CELF2: variants seen among roughly 807,000 people sequenced by gnomAD.
CELF2 encodes the protein CUGBP Elav-like family member 2.
A neutral mutation model predicts 62.6 loss-of-function variants in CELF2; 8 were observed. That is an observed-to-expected ratio of 0.13 (90% confidence interval 0.07 to 0.23). The LOEUF (loss-of-function observed/expected upper bound fraction) is 0.23, where lower values mean the gene tolerates loss of function less well. Among genes scored for constraint, CELF2 ranks in the 10% least tolerant of loss-of-function variants. The pLI, the probability that CELF2 is intolerant of heterozygous loss-of-function variation, is 1.00. For missense variants in CELF2, 333 were observed against 671.0 expected (o/e 0.50, Z 5.56); for synonymous variants, 258 against 250.0 (o/e 1.03, Z -0.30).
Position 11,314,088 on chromosome 10 carries a change from C to T in CELF2, c.977-51C>T, listed in dbSNP as rs765355093. ...GACAGAAGGATTTCCAGTCTCGGCTCTCACTCACCTCGTGTCTTCTCTCCC... is the reference window on the plus strand; with the variant it reads ...GACAGAAGGATTTCCAGTCTCGGCTTTCACTCACCTCGTGTCTTCTCTCCC... On this transcript the variant is annotated intron_variant, in intron 9 of 12. Coordinates refer to ENST00000633077, the MANE Select transcript of CELF2 (RefSeq NM_001326342.2). The surrounding 1 kb of genome is among the most constrained non-coding windows in gnomAD (Gnocchi z 5.3). The T allele has an allele frequency of 1.3e-6, 2 of 1,555,540 alleles. No homozygotes were observed. Among genetic ancestry groups the T allele is most frequent in the Non-Finnish European group, 1.8e-6 (2 of 1,138,406 alleles).
At chr10:11,000,395 T>A (rs1353196484), upstream of CELF2, among the ~76,000 whole-genome samples, 2 of 152,156 alleles carry the variant, frequency 1.3e-5, no homozygotes, top group African/African-American at 4.8e-5. Context: ...CTTCTTGGAG[T>A]TCCAAGTACT....
At chr10:10,474,906 T>C in the CELF2 span, among the ~76,000 whole-genome samples, 1 of 152,074 alleles carries the variant, frequency 6.6e-6, no homozygotes, top group East Asian at 1.9e-4. Flanking sequence ...CGGACAGACT[T>C]AGGGCATACT....
chr10:11,149,835 A>G (rs1319193865), intron 1 of CELF2, among the ~76,000 whole-genome samples: 1 of 152,150 alleles, frequency 6.6e-6, no homozygotes, highest in Non-Finnish European at 1.5e-5. Context: ...ATCATCTTGC[A>G]TCGACCCCGA....
rs571838939 is a variant in CELF2, at chr10:11,217,775, A to G, written c.354+268A>G. Among the ~76,000 whole-genome samples, 3 of 152,330 alleles carry G rather than the reference A, an allele frequency of 2.0e-5. No homozygotes were observed. Among genetic ancestry groups the G allele is most frequent in the East Asian group, 3.9e-4 (2 of 5,194 alleles). ...CCCCACTGGGCAGCCACGGCTGCCAAAGAGTATTGGGTGGGCTAAGATTTT... is the reference window on the plus strand; with the variant it reads ...CCCCACTGGGCAGCCACGGCTGCCAGAGAGTATTGGGTGGGCTAAGATTTT... On this transcript the variant is annotated intron_variant, in intron 3 of 12. Coordinates refer to ENST00000633077, the MANE Select transcript of CELF2 (RefSeq NM_001326342.2). This position sits in a 1 kb window ranked among gnomAD's most constrained non-coding sequence, Gnocchi z 5.6.
intron 2 of CELF2, among the ~76,000 whole-genome samples, chr10:11,206,575 C>T (rs1380593950): frequency 6.6e-6 from 1 of 152,202 alleles, no homozygotes; most frequent in Non-Finnish European, 1.5e-5. Context: ...TGCTGCTGAG[C>T]CACTGGTCTC....
intron 9 of CELF2, among the ~76,000 whole-genome samples, chr10:11,313,849 T>C (rs895426100): frequency 6.6e-6 from 1 of 151,842 alleles, no homozygotes; most frequent in East Asian, 1.9e-4. Context: ...AAAGAATGAT[T>C]GTCAACTTCA....
chr10:10,548,590 C>T, the CELF2 span, among the ~76,000 whole-genome samples: 2 of 152,190 alleles, frequency 1.3e-5, no homozygotes. Context: ...TAGAAAACAT[C>T]TTCCAAGGTA....
the CELF2 span, among the ~76,000 whole-genome samples, chr10:10,520,051 C>T: frequency 2.0e-5 from 3 of 152,154 alleles, no homozygotes; most frequent in South Asian, 4.1e-4. Context: ...TCTTCCTCTT[C>T]ATAATGGGAT....
intron 2 of CELF2, among the ~76,000 whole-genome samples, chr10:11,199,026 TG>T (rs2058618458): frequency 6.6e-6 from 1 of 152,172 alleles, no homozygotes; most frequent in African/African-American, 2.4e-5. Flanking sequence ...CAAGAGTAGT[TG>T]ACTTTCCAGG....
the CELF2 span, among the ~76,000 whole-genome samples, chr10:10,670,610 G>C: frequency 6.6e-6 from 1 of 152,076 alleles, no homozygotes; most frequent in African/African-American, 2.4e-5. Context: ...TTATCAACCA[G>C]AGTTTGTAGT....
At chr10:11,079,074 C>A (rs912348726) in intron 1 of CELF2, among the ~76,000 whole-genome samples, 3 of 152,208 alleles carry the variant, frequency 2.0e-5, no homozygotes, top group Non-Finnish European at 2.9e-5. Context: ...AAACTACTTA[C>A]TCCTCTGTTT....
At chr10:10,540,955 C>T in the CELF2 span, among the ~76,000 whole-genome samples, 4 of 151,996 alleles carry the variant, frequency 2.6e-5, no homozygotes, top group Admixed American at 6.6e-5. Flanking sequence ...GAGGCCGAGG[C>T]GTGTGGATCA....
At chr10:10,768,165 C>CAAA in the CELF2 span, among the ~76,000 whole-genome samples, 1 of 91,960 alleles carries the variant, frequency 1.1e-5, no homozygotes, top group Non-Finnish European at 2.4e-5. Context: ...GACTCCGTCT[C>CAAA]AAAAAAAAAA....
chr10:10,524,878 A>C, the CELF2 span, among the ~76,000 whole-genome samples: 1 of 152,158 alleles, frequency 6.6e-6, no homozygotes, highest in Non-Finnish European at 1.5e-5. Flanking sequence ...AAGCCAAGAA[A>C]ACTCTCACGG....
the CELF2 span, among the ~76,000 whole-genome samples, chr10:10,497,066 CT>C: frequency 6.6e-6 from 1 of 151,852 alleles, no homozygotes; most frequent in Non-Finnish European, 1.5e-5. Context: ...TGGCACATGC[CT>C]ATAATCCCAG....
chr10:10,681,178 C>T, the CELF2 span, among the ~76,000 whole-genome samples: 3 of 152,156 alleles, frequency 2.0e-5, no homozygotes, highest in East Asian at 1.9e-4. Flanking sequence ...CCAGCACAGA[C>T]AGCTAAGGAC....
intron 2 of CELF2, among the ~76,000 whole-genome samples, chr10:11,184,148 A>G (rs574647529): frequency 6.6e-6 from 1 of 152,188 alleles, no homozygotes. Context: ...TTGTTCCAGC[A>G]CTATTTGTCC....
chr10:11,017,545 C>T (rs1415392538), upstream of CELF2, among the ~76,000 whole-genome samples: 2 of 152,196 alleles, frequency 1.3e-5, no homozygotes, highest in African/African-American at 4.8e-5. This position sits in a 1 kb window ranked among gnomAD's most constrained non-coding sequence, Gnocchi z 5.5. Context: ...AGCGAACCCT[C>T]GGGCTGCTCG....
chr10:11,131,845 G>A (rs1205990138), intron 1 of CELF2, among the ~76,000 whole-genome samples: 1 of 152,204 alleles, frequency 6.6e-6, no homozygotes, highest in Admixed American at 6.5e-5. Flanking sequence ...TAGTATTGCG[G>A]CTGGTTAGAC....
Sources: allele counts gnomAD v4.1 joint callset (sites outside exome capture counted in the v4.1 genomes callset), GRCh38; gene constraint gnomAD v4.1.1; non-coding constraint Gnocchi (gnomAD v3.1); transcripts MANE v1.5; gene names NCBI Gene and HGNC (gene_info 2026-07-23, HGNC 2026-07-21).